Variants in COL6A3 observed in about 807,000 individuals in gnomAD.
The protein encoded by COL6A3 is collagen type VI alpha 3 chain, also known as collagen alpha-3(VI) chain.
Under a neutral mutation model 274.1 loss-of-function variants are expected in COL6A3, and 137 were observed. The ratio of observed to expected loss-of-function variants is 0.50; its 90% CI spans 0.44 to 0.58. The LOEUF (loss-of-function observed/expected upper bound fraction) is 0.58. Among genes scored for constraint, COL6A3 ranks in the 20% least tolerant of loss-of-function variants. The probability of loss-of-function intolerance (pLI) is 0.00; values close to 1 mark genes in which losing one functional copy is unlikely to be tolerated. For synonymous variants in COL6A3, 1,650 were observed against 1,650.6 expected, an observed-to-expected ratio of 1.00 and a Z score of 0.01; for missense variants, 3,950 against 4,124.9, an observed-to-expected ratio of 0.96 and a Z score of 1.16.
intron 6 of COL6A3, among the ~76,000 whole-genome samples, chr2:237,377,837 A>C (rs2077891575): frequency 1.3e-5 from 2 of 152,216 alleles, no homozygotes; most frequent in African/African-American, 4.8e-5. Flanking sequence ...CAAATCATTA[A>C]ATTTGAGGTT....
In COL6A3 at chr2:237,372,095, G is replaced by T. The variant is rs140330124; in HGVS notation, c.3922C>A (p.Arg1308=). The T allele has an allele frequency of 2.5e-6, 4 of 1,613,862 alleles. No individual in the cohort carries two copies. The South Asian group carries it at 4.4e-5, about 18-fold the overall frequency. ...AGGGCATTGCCCACGTTGATCTGCCGCCCTCCCTTGGGCCTCAGCCGCTGC... is the reference window on the plus strand; with the variant it reads ...AGGGCATTGCCCACGTTGATCTGCCTCCCTCCCTTGGGCCTCAGCCGCTGC... The part of the protein sequence containing the change: ...AVQRLRPKGG[R]QINVGNALEY... Residue 1308 remains arginine, a synonymous_variant, in exon 9 of 44, where the codon CGG becomes AGG. Coordinates refer to ENST00000295550, the MANE Select transcript of COL6A3 (RefSeq NM_004369.4).
Position 237,367,209 on chromosome 2 carries a change from G to T in COL6A3, c.4978C>A (p.Arg1660Ser), listed in dbSNP as rs1553556695. 1.2e-6 allele frequency: 2 copies of T among 1,613,834 alleles called. No homozygotes were observed. The highest frequency in any genetic ancestry group is 2.7e-5 in the African/African-American group (2 of 74,906). Residue 1660 changes from arginine to serine, a missense_variant, in exon 11 of 44, where the codon CGT becomes AGT. Coordinates refer to ENST00000295550, the MANE Select transcript of COL6A3 (RefSeq NM_004369.4). ...GTGTCCACTATTTCAGACACAAAACGAAGCACTTCCTGGAAACTGTCCCTC... is the reference window on the plus strand; with the variant it reads ...GTGTCCACTATTTCAGACACAAAACTAAGCACTTCCTGGAAACTGTCCCTC... ...FRRDSFQEVLRFVSEIVDTVY... is the reference protein window; with the variant it reads ...FRRDSFQEVLSFVSEIVDTVY...
Position 237,371,077 on chromosome 2 carries a change from C to T in COL6A3, c.4285+655G>A, listed in dbSNP as rs1399792907. Among the ~76,000 whole-genome samples the T allele has an allele frequency of 6.6e-6, 1 of 152,222 alleles. No homozygotes were observed. The highest frequency in any genetic ancestry group is 3.2e-3 in the Middle Eastern group (1 of 316). ...GACTTAAGATACAGCTACAGAATCA[C>T]CTCCACGTCTTGACAACATCCAATC... On this transcript the variant is annotated intron_variant, in intron 9 of 43. Transcript: ENST00000295550. This position sits in a 1 kb window ranked among gnomAD's most constrained non-coding sequence, Gnocchi z 4.3.
In COL6A3 at chr2:237,372,436, A is replaced by T. The variant is rs1574704492; in HGVS notation, c.3680-99T>A. 7.5e-6 allele frequency: 12 copies of T among 1,595,208 alleles called. No individual in the cohort carries two copies. In the Admixed American group the frequency reaches 2.0e-4, roughly 27 times the overall value. On this transcript the variant is annotated intron_variant, in intron 8 of 43. Coordinates refer to ENST00000295550, the MANE Select transcript of COL6A3 (RefSeq NM_004369.4). ...TTTGTCATGGATTCACAGGCAGGGG[A>T]TCCTAACACCAATCACCACTGTTAA... is the stretch of plus-strand genomic sequence containing the variant.
chr2:237,387,577 C>T lies in COL6A3; in HGVS notation c.1312+5G>A. ...CCACACAGATGGTGAGAAGAGGATA[C>T]ATACCTTGTGTGACAATGGTTGGCG... On this transcript the variant is annotated splice_donor_5th_base_variant and intron_variant, in intron 4 of 43. Transcript: ENST00000295550. 6.2e-7 allele frequency: 1 copy of T among 1,613,988 alleles called. No homozygotes were observed. Among genetic ancestry groups the T allele is most frequent in the Non-Finnish European group, 8.5e-7 (1 of 1,179,962 alleles).
chr2:237,393,882 A>G (rs1574753287), intron 3 of COL6A3, among the ~76,000 whole-genome samples: 1 of 152,152 alleles, frequency 6.6e-6, no homozygotes, highest in South Asian at 2.1e-4. Context: ...TGTGCTCTCA[A>G]TACTTCCAGA....
chr2:237,356,651 A>G (rs1264920707), intron 23 of COL6A3: 1 of 155,762 alleles, frequency 6.4e-6, no homozygotes, highest in Non-Finnish European at 1.4e-5. Flanking sequence ...CTAGGCACCC[A>G]CCAGCATCCT....
chr2:237,383,241 A>G lies in COL6A3; in HGVS notation c.1313-1742T>C, dbSNP rs570992997. Among the ~76,000 whole-genome samples the G allele has an allele frequency of 2.6e-5, 4 of 152,326 alleles. No individual in the cohort carries two copies. The South Asian group carries it at 8.3e-4, about 32-fold the overall frequency. On this transcript the variant is annotated intron_variant, in intron 4 of 43. Transcript: ENST00000295550. ...GGGTGCTCACCTGTAGCATCAAGACAAGGTCTATGTTCTAAGAGAAGGGTA... is the reference window on the plus strand; with the variant it reads ...GGGTGCTCACCTGTAGCATCAAGACGAGGTCTATGTTCTAAGAGAAGGGTA...
intron 1 of COL6A3, among the ~76,000 whole-genome samples, chr2:237,411,403 C>T (rs1478124919): frequency 1.3e-5 from 2 of 152,170 alleles, no homozygotes; most frequent in African/African-American, 2.4e-5. Flanking sequence ...TACGCTTGAT[C>T]CAGTTGTCTG....
At chr2:237,406,131 A>C (rs1001829808) in intron 1 of COL6A3, among the ~76,000 whole-genome samples, 1 of 152,180 alleles carries the variant, frequency 6.6e-6, no homozygotes, top group Admixed American at 6.5e-5. Flanking sequence ...GATACCTTTC[A>C]TCAGAAAGAT....
intron 14 of COL6A3, among the ~76,000 whole-genome samples, chr2:237,362,780 C>A (rs1024268460): frequency 6.6e-6 from 1 of 152,176 alleles, no homozygotes; most frequent in African/African-American, 2.4e-5. Flanking sequence ...AATGAGGAAG[C>A]CTCAGAGGGA....
chr2:237,406,084 T>C (rs1324656346), intron 1 of COL6A3, among the ~76,000 whole-genome samples: 1 of 152,152 alleles, frequency 6.6e-6, no homozygotes, highest in African/African-American at 2.4e-5. Flanking sequence ...TGAGGTGCCT[T>C]TTTCCGTTTA....
rs367726517 is a variant in COL6A3, at chr2:237,391,207, A to AGGAGGAACTGCAGAGTGAT, written c.710-3042_710-3024dup. ...GGAACATGCAGCGGGACGTGGTACT[A>AGGAGGAACTGCAGAGTGAT]GGAGGAACTGCAGAGTGATGTTAAT... On this transcript the variant is annotated intron_variant, in intron 3 of 43. Coordinates refer to ENST00000295550, the MANE Select transcript of COL6A3 (RefSeq NM_004369.4). Among the ~76,000 whole-genome samples, 618 of 152,328 alleles carry AGGAGGAACTGCAGAGTGAT rather than the reference A, an allele frequency of 4.1e-3. 5 individuals carry two copies. The highest frequency in any genetic ancestry group is 0.014 in the African/African-American group (594 of 41,558).
chr2:237,344,530 C>G lies in COL6A3; in HGVS notation c.7488G>C (p.Arg2496Ser). Residue 2496 changes from arginine to serine, a missense_variant, in exon 36 of 44, where the codon AGG becomes AGC. Physicochemically the swap from Arg to Ser is moderately radical, Grantham distance 110. Transcript: ENST00000295550. This position sits in a 1 kb window ranked among gnomAD's most constrained non-coding sequence, Gnocchi z 4.8. ...CGTTCCTCACACGCTTAAATGTGTT[C>G]CTGGCCACAAACGACATGGCAGTCT... ...SLETAMSFVA[R>S]NTFKRVRNGF... 6.2e-7 allele frequency: 1 copy of G among 1,614,168 alleles called. No homozygotes were observed. The highest frequency in any genetic ancestry group is 1.7e-5 in the Admixed American group (1 of 60,026).
In COL6A3 at chr2:237,388,135, G is replaced by C; in HGVS notation, c.759C>G (p.Thr253=). ...IIFLIDGSNN[T]GSVNFAVILD... is the part of the protein sequence containing the mutation. ...GAATGACTGCGAAATTGACACTTCCGGTGTTGTTTGATCCATCAATAAGGA... is the reference window on the plus strand; with the variant it reads ...GAATGACTGCGAAATTGACACTTCCCGTGTTGTTTGATCCATCAATAAGGA... Residue 253 remains threonine (T), a synonymous_variant, in exon 4 of 44, where the codon ACC becomes ACG. Coordinates refer to ENST00000295550, the MANE Select transcript of COL6A3 (RefSeq NM_004369.4). 1.2e-6 allele frequency: 2 copies of C among 1,614,100 alleles called. No homozygotes were observed. The highest frequency in any genetic ancestry group is 1.6e-4 in the Middle Eastern group (1 of 6,062).
rs576448046 is a variant in COL6A3, at chr2:237,364,185, G to A, written c.5917+165C>T. Among the ~76,000 whole-genome samples the A allele has an allele frequency of 6.6e-6, 1 of 152,168 alleles. No homozygotes were observed. The highest frequency in any genetic ancestry group is 2.4e-5 in the African/African-American group (1 of 41,430). On this transcript the variant is annotated intron_variant, in intron 13 of 43. Transcript: ENST00000295550. The surrounding 1 kb of genome is among the most constrained non-coding windows in gnomAD (Gnocchi z 4.6). ...GAATTTTTGTTAGCTCCATCCCACAGCTCCAAGCAGGTGATGAAGGGCCAC... is the reference window on the plus strand; with the variant it reads ...GAATTTTTGTTAGCTCCATCCCACAACTCCAAGCAGGTGATGAAGGGCCAC...
chr2:237,355,962 G>A (rs1035199709), intron 23 of COL6A3, among the ~76,000 whole-genome samples: 4 of 152,150 alleles, frequency 2.6e-5, no homozygotes, highest in South Asian at 2.1e-4. Flanking sequence ...GGCCGCCTGC[G>A]GAGACTCTAG....
intron 11 of COL6A3, among the ~76,000 whole-genome samples, 178 bp from the exon 12 acceptor site, chr2:237,366,213 A>C (rs1232936118): frequency 2.0e-5 from 3 of 152,126 alleles, no homozygotes; most frequent in African/African-American, 7.2e-5. Flanking sequence ...TCACAGAGAG[A>C]AATGAGGGTA....
At chr2:237,352,418 G>A (rs1193273981) in intron 26 of COL6A3, 104 bp downstream of exon 26, 1 of 1,137,050 alleles carries the variant, frequency 8.8e-7, no homozygotes, top group Non-Finnish European at 1.3e-6. Context: ...GAGAGCTAAA[G>A]GGAGGTCTGT....
Sources: gnomAD v4.1 joint callset for allele counts (sites outside exome capture counted in the v4.1 genomes callset) on GRCh38, gnomAD v4.1.1 for gene constraint, Gnocchi (gnomAD v3.1) non-coding constraint, MANE v1.5 for transcripts, NCBI Gene and HGNC (gene_info 2026-07-23, HGNC 2026-07-21) for gene names.